VCL: variants seen among roughly 807,000 people sequenced by gnomAD.
VCL encodes the protein vinculin, also known as epididymis luminal protein 114.
In VCL, 47 loss-of-function variants were observed where a neutral mutation model predicts 125.7. The ratio of observed to expected loss-of-function variants is 0.37; its 90% CI spans 0.30 to 0.48. The LOEUF (loss-of-function observed/expected upper bound fraction) is 0.48. VCL is among the 20% of genes least tolerant of loss of function. The pLI, the probability that VCL is intolerant of heterozygous loss-of-function variation, is 0.99. For synonymous variants in VCL, 458 were observed against 514.6 expected, an observed-to-expected ratio of 0.89 and a Z score of 1.49; for missense variants, 1,069 against 1,455.5, an observed-to-expected ratio of 0.73 and a Z score of 4.32.
intron 14 of VCL, among the ~76,000 whole-genome samples, chr10:74,101,862 CT>C (rs561525230): frequency 0.016 from 2,087 of 132,966 alleles, 33 homozygotes; most frequent in African/African-American, 0.046. Context: ...TTTGGATAAT[CT>C]TTTTTTTTTT....
chr10:73,998,130 C>CT lies in VCL; in HGVS notation c.-77dup, dbSNP rs1840149254. ...CCCGACTCCGTAGTCGCTGCACAGT[C>CT]TGTCTCTTCGCCGGTTCCCGGCCCC... On this transcript the variant is annotated 5_prime_UTR_variant, in exon 1 of 22. Transcript: ENST00000211998. The CT allele has an allele frequency of 6.4e-7, 1 of 1,564,440 alleles. No individual in the cohort carries two copies. The highest frequency in any genetic ancestry group is 8.7e-7 in the Non-Finnish European group (1 of 1,155,620).
intron 8 of VCL, among the ~76,000 whole-genome samples, chr10:74,085,138 C>G (rs149001281): frequency 1.3e-5 from 2 of 152,272 alleles, no homozygotes; most frequent in Non-Finnish European, 2.9e-5. Flanking sequence ...CTCCTGGCCT[C>G]AAGTGATCCT....
At chr10:74,020,766 T>G (rs995254503) in intron 1 of VCL, among the ~76,000 whole-genome samples, 1 of 143,052 alleles carries the variant, frequency 7.0e-6, no homozygotes, top group African/African-American at 2.6e-5. Context: ...ACTTGAGCCC[T>G]GGAGGTTGAG....
At chr10:74,081,073 T>C (rs914270494) in intron 6 of VCL, among the ~76,000 whole-genome samples, 1 of 152,252 alleles carries the variant, frequency 6.6e-6, no homozygotes, top group Non-Finnish European at 1.5e-5. Context: ...CTGCCTTTTA[T>C]TGACAGCTAC....
chr10:73,998,656 G>A (rs1670150085), intron 1 of VCL, among the ~76,000 whole-genome samples: 1 of 152,234 alleles, frequency 6.6e-6, no homozygotes, highest in African/African-American at 2.4e-5. Flanking sequence ...TATTCGTGGA[G>A]TGCCTCGCGC....
intron 1 of VCL, among the ~76,000 whole-genome samples, chr10:74,009,009 G>C (rs370324726): frequency 2.0e-5 from 3 of 151,964 alleles, no homozygotes; most frequent in South Asian, 2.1e-4. Flanking sequence ...TTAGCTTTTG[G>C]GGGGGAAAAT....
At chr10:74,016,523 A>G (rs984661071) in intron 1 of VCL, among the ~76,000 whole-genome samples, 1 of 151,936 alleles carries the variant, frequency 6.6e-6, no homozygotes, top group Non-Finnish European at 1.5e-5. Context: ...AGGTGGGAGG[A>G]TTGCTTGAGC....
chr10:74,007,954 C>T (rs1045692897), intron 1 of VCL, among the ~76,000 whole-genome samples: 1 of 152,054 alleles, frequency 6.6e-6, no homozygotes, highest in Non-Finnish European at 1.5e-5. Flanking sequence ...AGGCACCCAC[C>T]ACCATGGACG....
chr10:74,074,192 C>T (rs61584917), intron 5 of VCL, among the ~76,000 whole-genome samples: 9,637 of 152,222 alleles, frequency 0.063, 1,029 homozygotes, highest in African/African-American at 0.22. Flanking sequence ...GCCGAGATCA[C>T]GCCGAAAGTG....
intron 2 of VCL, among the ~76,000 whole-genome samples, chr10:74,055,465 C>T (rs1428724011): frequency 6.6e-6 from 1 of 151,784 alleles, no homozygotes; most frequent in African/African-American, 2.4e-5. Flanking sequence ...TCATCTCAGC[C>T]TCCCAGGTAC....
intron 1 of VCL, among the ~76,000 whole-genome samples, chr10:74,034,661 G>A (rs1385205475): frequency 6.6e-6 from 1 of 152,240 alleles, no homozygotes; most frequent in Non-Finnish European, 1.5e-5. Flanking sequence ...TACTCATTAA[G>A]TGCTTGATTA....
intron 1 of VCL, among the ~76,000 whole-genome samples, chr10:74,002,880 CAAA>C (rs777477698): frequency 1.3e-4 from 9 of 66,724 alleles, no homozygotes; most frequent in Admixed American, 3.5e-4. Context: ...GACTCTGTCT[CAAA>C]AAAAAAAAAA....
intron 4 of VCL, 103 bp from the exon 5 acceptor site, chr10:74,072,627 C>A: frequency 6.5e-7 from 1 of 1,548,388 alleles, no homozygotes; most frequent in Non-Finnish European, 8.9e-7. Context: ...AGTGAGCAAT[C>A]GGTTTGAACT....
At chr10:74,062,406 A>C (rs1156756419) in intron 2 of VCL, among the ~76,000 whole-genome samples, 9 of 121,800 alleles carry the variant, frequency 7.4e-5, no homozygotes, top group Non-Finnish European at 1.1e-4. Context: ...GAGTCTTGCT[A>C]TATTGCCCAG....
Position 74,083,235 on chromosome 10 carries a change from A to G in VCL, c.875-131A>G, listed in dbSNP as rs1028382385. The stretch of plus-strand genomic sequence containing the variant: ...GCACTGCTTGGCTGTTAGCTATCAG[A>G]TATGTTGCCTTCTATTCACTCGTCT... On this transcript the variant is annotated intron_variant, in intron 7 of 21. Coordinates refer to ENST00000211998, the MANE Select transcript of VCL (RefSeq NM_014000.3). 4 of 1,212,188 alleles carry G rather than the reference A, an allele frequency of 3.3e-6. No homozygotes were observed. The South Asian group carries it at 5.2e-5, about 16-fold the overall frequency. The allele number at this position is 1,212,188 out of a possible 1,614,324, so 75.1% of individuals were successfully genotyped here.
intron 6 of VCL, among the ~76,000 whole-genome samples, chr10:74,079,238 G>A (rs764680377): frequency 6.6e-6 from 1 of 152,066 alleles, no homozygotes; most frequent in Non-Finnish European, 1.5e-5. Flanking sequence ...ACATGGTGGG[G>A]GAGGACCCAG....
At chr10:74,056,312 A>T (rs1841389217) in intron 2 of VCL, among the ~76,000 whole-genome samples, 1 of 151,874 alleles carries the variant, frequency 6.6e-6, no homozygotes, top group South Asian at 2.1e-4. Context: ...GTTATTTTTT[A>T]AAATTCAGTT....
intron 2 of VCL, among the ~76,000 whole-genome samples, chr10:74,063,143 C>T (rs1223132027): frequency 1.3e-5 from 2 of 152,244 alleles, no homozygotes; most frequent in African/African-American, 2.4e-5. Context: ...GTCCTCCTCT[C>T]ATCCTCAGCC....
At position 74,095,719 on chromosome 10, in the gene VCL, C is replaced by A. The variant is rs200624351; in HGVS notation, c.1607C>A (p.Pro536His). The A allele has an allele frequency of 5.5e-5, 89 of 1,614,082 alleles. No individual in the cohort carries two copies. Among genetic ancestry groups the A allele is most frequent in the Middle Eastern group, 1.6e-4 (1 of 6,076 alleles). Residue 536 changes from proline (P) to histidine (H), a missense_variant, in exon 12 of 22, where the codon CCT becomes CAT. By Grantham distance (77) the Pro-to-His change is moderately conservative. Around this residue, in one of 6 missense-constraint regions of VCL, gnomAD observed 760 missense variants for 928.9 expected, o/e 0.82. Transcript: ENST00000211998. ...GHRLANVMMG[P>H]YRQDLLAKCD... is the part of the protein sequence containing the mutation. ...CGTCTGGCTAATGTTATGATGGGGCCTTATCGGCAAGATCTTCTCGCCAAG... is the reference window on the plus strand; with the variant it reads ...CGTCTGGCTAATGTTATGATGGGGCATTATCGGCAAGATCTTCTCGCCAAG...
Sources: allele counts gnomAD v4.1 joint callset (sites outside exome capture counted in the v4.1 genomes callset), GRCh38; gene constraint gnomAD v4.1.1; regional missense constraint gnomAD v4.1.1; transcripts MANE v1.5; gene names NCBI Gene and HGNC (gene_info 2026-07-23, HGNC 2026-07-21).